The following ULK4 variants were observed in gnomAD, a reference collection of about 807,000 sequenced individuals.
ULK4 encodes inactive serine/threonine-protein kinase ULK4.
Under a neutral mutation model 160.6 loss-of-function variants are expected in ULK4, and 133 were observed. That is an observed-to-expected ratio of 0.83 (90% CI 0.72 to 0.96). The LOEUF (loss-of-function observed/expected upper bound fraction) is 0.96. ULK4 is among the 40% of genes least tolerant of loss of function. ULK4 has a pLI of 0.00. For synonymous variants in ULK4, 534 were observed against 539.8 expected (o/e 0.99, Z 0.15); for missense variants, 1,580 against 1,499.5 (o/e 1.05, Z -0.89).
intron 8 of ULK4, chr3:41,913,113 TGAAA>T: frequency 2.3e-6 from 1 of 439,958 alleles, no homozygotes; most frequent in South Asian, 4.4e-5. Flanking sequence ...TGGTACAGAA[TGAAA>T]CAGTCTGATA....
intron 32 of ULK4, among the ~76,000 whole-genome samples, chr3:41,474,232 A>G (rs1481285086): frequency 6.6e-6 from 1 of 152,138 alleles, no homozygotes; most frequent in Non-Finnish European, 1.5e-5. Flanking sequence ...CTCTTGACAA[A>G]GGTATCAAGA....
At position 41,266,671 on chromosome 3, in the gene ULK4, A is replaced by G. The variant is rs183108605; in HGVS notation, c.3679-17097T>C. ...GCTGTTTTCAGTTGGGTTAGAGTGT[A>G]AATAGCATACAAGTGCTTCATGAAC... On this transcript the variant is annotated intron_variant, in intron 35 of 36. Coordinates refer to ENST00000301831, the MANE Select transcript of ULK4 (RefSeq NM_017886.4). 5.2e-3 allele frequency among the ~76,000 whole-genome samples: 795 copies of G among 152,350 alleles called. 2 individuals are homozygous for G. The highest frequency in any genetic ancestry group is 0.01 in the Admixed American group (157 of 15,306).
intron 18 of ULK4, among the ~76,000 whole-genome samples, chr3:41,829,041 G>A (rs1176320957): frequency 6.6e-6 from 1 of 151,172 alleles, no homozygotes; most frequent in Non-Finnish European, 1.5e-5. Flanking sequence ...AACAAGCAAT[G>A]GGGAAAGGAT....
chr3:41,531,238 A>G (rs1009148987), intron 32 of ULK4, among the ~76,000 whole-genome samples: 4 of 150,940 alleles, frequency 2.7e-5, no homozygotes, highest in African/African-American at 9.7e-5. Flanking sequence ...TCAGGAGATC[A>G]AGACTATCCT....
chr3:41,617,726 T>C (rs553319262), intron 30 of ULK4, among the ~76,000 whole-genome samples: 20 of 152,248 alleles, frequency 1.3e-4, no homozygotes, highest in African/African-American at 3.6e-4. Flanking sequence ...CTCCAAATGA[T>C]TGCAACTCCT....
chr3:41,612,846 G>A (rs2032752135), intron 31 of ULK4, among the ~76,000 whole-genome samples: 1 of 152,150 alleles, frequency 6.6e-6, no homozygotes, highest in Non-Finnish European at 1.5e-5. Context: ...ACATCTAGGA[G>A]AGGAGCACAT....
rs1052322399 is a variant in ULK4 at position 41,421,468 on chromosome 3, T to C, written c.3493-23204A>G. ...CAATATGTTTGGGAGACTCACTCTATCTTAAATAGAGTTCTAAAAAAGGAA... is the reference window on the plus strand; with the variant it reads ...CAATATGTTTGGGAGACTCACTCTACCTTAAATAGAGTTCTAAAAAAGGAA... On this transcript the variant is annotated intron_variant, in intron 34 of 36. Transcript: ENST00000301831. Among the ~76,000 whole-genome samples the C allele has an allele frequency of 8.5e-5, 13 of 152,302 alleles. No homozygotes were observed. In the South Asian group the frequency reaches 2.1e-3, roughly 24 times the overall value.
chr3:41,332,207 G>GA (rs546966550), intron 35 of ULK4, among the ~76,000 whole-genome samples: 36,161 of 143,004 alleles, frequency 0.25, 4,584 homozygotes, highest in African/African-American at 0.31. Flanking sequence ...CAGCCAAGAG[G>GA]AAAAAAAAAA....
At chr3:41,774,316 C>G (rs2039520460) in intron 21 of ULK4, among the ~76,000 whole-genome samples, 5 of 148,756 alleles carry the variant, frequency 3.4e-5, no homozygotes, top group African/African-American at 1.0e-4. Flanking sequence ...TTTTTGCAAC[C>G]TACTCATCTG....
intron 32 of ULK4, among the ~76,000 whole-genome samples, chr3:41,563,817 C>T (rs1451015524): frequency 6.6e-6 from 1 of 152,124 alleles, no homozygotes; most frequent in Non-Finnish European, 1.5e-5. Context: ...GCTCCTGTAG[C>T]TTGGAGAAGT....
At chr3:41,444,654 G>A (rs889164391) in intron 34 of ULK4, among the ~76,000 whole-genome samples, 6 of 152,058 alleles carry the variant, frequency 3.9e-5, no homozygotes, top group African/African-American at 1.4e-4. Flanking sequence ...TTATGCAAAA[G>A]TATTCTTATC....
At chr3:41,638,383 C>A (rs1051250972) in intron 30 of ULK4, among the ~76,000 whole-genome samples, 10 of 152,064 alleles carry the variant, frequency 6.6e-5, no homozygotes, top group Admixed American at 5.2e-4. Context: ...ATCCTGTAAA[C>A]AACTGAGTTG....
chr3:41,885,198 C>A (rs1385613112), intron 16 of ULK4, among the ~76,000 whole-genome samples: 1 of 152,096 alleles, frequency 6.6e-6, no homozygotes, highest in Non-Finnish European at 1.5e-5. Context: ...AAACACTTAA[C>A]CATTTTTCAA....
In ULK4 at chr3:41,788,331, C is replaced by T. The variant is rs1188631373; in HGVS notation, c.2193+1330G>A. Among the ~76,000 whole-genome samples, 5 of 152,104 alleles carry T rather than the reference C, an allele frequency of 3.3e-5. No homozygotes were observed. In the South Asian group the frequency reaches 6.2e-4, roughly 19 times the overall value. ...TGGTAAACAGTGTATTTAAGTGGTT[C>T]CATTCCACACTTCTAAGCAGTGTTA... On this transcript the variant is annotated intron_variant, in intron 21 of 36. Transcript: ENST00000301831.
chr3:41,582,383 A>G (rs890911306), intron 31 of ULK4, among the ~76,000 whole-genome samples: 1 of 152,210 alleles, frequency 6.6e-6, no homozygotes, highest in Non-Finnish European at 1.5e-5. Context: ...CACTCGGTTA[A>G]TAAGTACCTA....
At chr3:41,376,130 A>T (rs2081487091) in intron 35 of ULK4, among the ~76,000 whole-genome samples, 1 of 150,330 alleles carries the variant, frequency 6.7e-6, no homozygotes, top group Admixed American at 6.6e-5. Flanking sequence ...AAGTCAGAAA[A>T]CAACAGATGC....
Position 41,390,330 on chromosome 3 carries a change from T to A in ULK4, c.3678+7749A>T, listed in dbSNP as rs544652627. 2.0e-5 allele frequency among the ~76,000 whole-genome samples: 3 copies of A among 152,312 alleles called. No homozygotes were observed. In the East Asian group the frequency reaches 5.8e-4, roughly 29 times the overall value. ...TTTCAAAAACTAGCTCCTGGATTCA[T>A]TGATTTTTTGAAGGGTTTTTTGTGT... is the stretch of plus-strand genomic sequence containing the variant. On this transcript the variant is annotated intron_variant, in intron 35 of 36. Transcript: ENST00000301831.
chr3:41,627,290 G>A lies in ULK4; in HGVS notation c.3072-11573C>T, dbSNP rs146320844. 1.1e-3 allele frequency among the ~76,000 whole-genome samples: 170 copies of A among 152,274 alleles called. 1 individual carries two copies. The highest frequency in any genetic ancestry group is 3.9e-3 in the African/African-American group (162 of 41,554). On this transcript the variant is annotated intron_variant, in intron 30 of 36. Transcript: ENST00000301831. ...TCTGAGCTCAGTTTTGCAGGACAAA[G>A]ACATTAGCTCCCCCAAGAATGACAG... is the stretch of plus-strand genomic sequence containing the variant.
chr3:41,941,007 A>G (rs1385377064), intron 2 of ULK4, among the ~76,000 whole-genome samples: 1 of 151,840 alleles, frequency 6.6e-6, no homozygotes, highest in Non-Finnish European at 1.5e-5. Flanking sequence ...GCTGACAACT[A>G]CCAAAGTGCT....
Sources: allele counts gnomAD v4.1 joint callset (sites outside exome capture counted in the v4.1 genomes callset), GRCh38; gene constraint gnomAD v4.1.1; transcripts MANE v1.5; gene names NCBI Gene and HGNC (gene_info 2026-07-23, HGNC 2026-07-21).